Variants in NDST3 observed in about 807,000 individuals in gnomAD.
The protein encoded by NDST3 is N-deacetylase and N-sulfotransferase 3.
Under a neutral mutation model 96.1 loss-of-function variants are expected in NDST3, and 58 were observed. The observed-to-expected ratio is 0.60, with a 90% CI of 0.49 to 0.75. The LOEUF (loss-of-function observed/expected upper bound fraction) is 0.75, where lower values mean the gene tolerates loss of function less well. Among genes scored for constraint, NDST3 ranks in the 30% least tolerant of loss-of-function variants. NDST3 has a pLI of 0.00. For missense variants in NDST3, 788 were observed against 1,034.2 expected, an observed-to-expected ratio of 0.76 and a Z score of 3.27; for synonymous variants, 333 against 359.7, an observed-to-expected ratio of 0.93 and a Z score of 0.84.
Position 118,256,888 on chromosome 4 carries a change from A to G in NDST3, c.*1176A>G, listed in dbSNP as rs1283067973. Reference sequence around the variant, plus strand: ...TAATGTTTGCAATGATACTTTTGATATAAGGCAAAGAAACATAAGCAGAGC... The same window carrying G: ...TAATGTTTGCAATGATACTTTTGATGTAAGGCAAAGAAACATAAGCAGAGC... On this transcript the variant is annotated 3_prime_UTR_variant, in exon 14 of 14. Coordinates refer to ENST00000296499, the MANE Select transcript of NDST3 (RefSeq NM_004784.3). 1 of 152,224 alleles carries G rather than the reference A, an allele frequency of 6.6e-6. No individual in the cohort carries two copies. The highest frequency in any genetic ancestry group is 2.1e-4 in the South Asian group (1 of 4,838). The allele number at this position is 152,224 out of a possible 1,614,324, so 9.4% of individuals were successfully genotyped here.
rs555522002 is a variant in NDST3 at position 118,206,212 on chromosome 4, G to T, written c.1540-18279G>T. 3.3e-4 allele frequency among the ~76,000 whole-genome samples: 47 copies of T among 143,840 alleles called. 5 individuals carry two copies. The highest frequency in any genetic ancestry group is 6.0e-4 in the Non-Finnish European group (39 of 65,106). 94.4% of individuals were successfully genotyped at this position (143,840 alleles called of 152,430 possible). On this transcript the variant is annotated intron_variant, in intron 6 of 13. Coordinates refer to ENST00000296499, the MANE Select transcript of NDST3 (RefSeq NM_004784.3). ...TTTCCTTCCTGTCATCTGTGAACTG[G>T]GCAACTACATAACGAAGAAGATTTG...
intron 6 of NDST3, among the ~76,000 whole-genome samples, chr4:118,217,052 G>C (rs1739236165): frequency 6.6e-6 from 1 of 152,090 alleles, no homozygotes; most frequent in Non-Finnish European, 1.5e-5. Flanking sequence ...AAAACTAGGG[G>C]CTCTAGGGCT....
chr4:118,244,786 A>G (rs1168428620), intron 12 of NDST3, among the ~76,000 whole-genome samples: 5 of 152,204 alleles, frequency 3.3e-5, no homozygotes, highest in Admixed American at 6.5e-5. Flanking sequence ...CAAGTGCTAA[A>G]GAAAGCGTTC....
rs1001520386 is a variant in NDST3, at chr4:118,256,309, A to C, written c.*597A>C. On this transcript the variant is annotated 3_prime_UTR_variant, in exon 14 of 14. Coordinates refer to ENST00000296499, the MANE Select transcript of NDST3 (RefSeq NM_004784.3). ...ATATGAGTGTTATCTGCACCAAAAA[A>C]AAATAAGTGCTATAGCAAAAGTGAT... The C allele has an allele frequency of 6.6e-6, 1 of 152,202 alleles. No homozygotes were observed. Among genetic ancestry groups the C allele is most frequent in the African/African-American group, 2.4e-5 (1 of 41,458 alleles). 9.4% of individuals were successfully genotyped at this position (152,202 alleles called of 1,614,324 possible). A position where few individuals can be genotyped will look rare whatever the true frequency, so the allele number is the denominator to read the frequency against.
intron 12 of NDST3, among the ~76,000 whole-genome samples, chr4:118,250,045 T>C (rs1257061976): frequency 6.6e-6 from 1 of 152,230 alleles, no homozygotes; most frequent in Admixed American, 6.5e-5. Context: ...GAGTCAATTC[T>C]TTTTTATTGT....
At position 118,066,463 on chromosome 4, in the gene NDST3, TTA is replaced by T. The variant is rs367675931; in HGVS notation, c.981+11578_981+11579del. ...TCATATGTTATATATTATATATACA[TTA>T]TATATGTTATATATTATATATACAT... On this transcript the variant is annotated intron_variant, in intron 2 of 13. Transcript: ENST00000296499. Among the ~76,000 whole-genome samples the T allele has an allele frequency of 2.0e-3, 7 of 3,450 alleles. 2 individuals are homozygous for T. In the Non-Finnish European group the frequency reaches 0.027, roughly 13 times the overall value. The allele number at this position is 3,450 out of a possible 152,430, so 2.3% of individuals were successfully genotyped here.
chr4:118,194,015 T>C, intron 6 of NDST3: 3 of 1,236,360 alleles, frequency 2.4e-6, no homozygotes, highest in Non-Finnish European at 2.4e-6. Context: ...CCAAGACTCC[T>C]TGGTCTTTTC....
chr4:118,116,015 T>C (rs1006669679), intron 4 of NDST3, among the ~76,000 whole-genome samples: 3 of 149,754 alleles, frequency 2.0e-5, no homozygotes, highest in Non-Finnish European at 4.4e-5. Context: ...TGAAAATGTT[T>C]TGATGGTATA....
At chr4:118,046,031 G>C (rs1724742820) in intron 1 of NDST3, among the ~76,000 whole-genome samples, 1 of 151,920 alleles carries the variant, frequency 6.6e-6, no homozygotes, top group Non-Finnish European at 1.5e-5. Context: ...CCAAGGGTTT[G>C]AGTAAATCAA....
At chr4:118,166,460 CTT>C (rs1735556581) in intron 6 of NDST3, among the ~76,000 whole-genome samples, 1 of 151,784 alleles carries the variant, frequency 6.6e-6, no homozygotes, top group Admixed American at 6.6e-5. Context: ...TTACTGGTGA[CTT>C]ATATCAAACA....
chr4:118,194,030 C>A (rs1737496536), intron 6 of NDST3: 2 of 1,369,198 alleles, frequency 1.5e-6, no homozygotes, highest in Admixed American at 3.4e-5. Flanking sequence ...CTTTTCAAAA[C>A]TCTTGAGGTG....
At chr4:118,231,341 A>T (rs1337425242) in intron 8 of NDST3, among the ~76,000 whole-genome samples, 1 of 137,670 alleles carries the variant, frequency 7.3e-6, no homozygotes, top group Non-Finnish European at 1.6e-5. Flanking sequence ...ATCTAAAAAA[A>T]AATAAATAAA....
intron 2 of NDST3, among the ~76,000 whole-genome samples, chr4:118,071,002 G>T (rs982126370): frequency 2.6e-5 from 4 of 151,948 alleles, no homozygotes; most frequent in Non-Finnish European, 4.4e-5. Flanking sequence ...GCGATAGTTT[G>T]CTGAGAATGA....
At chr4:118,248,344 C>G (rs1055065469) in intron 12 of NDST3, among the ~76,000 whole-genome samples, 6 of 151,498 alleles carry the variant, frequency 4.0e-5, no homozygotes, top group Admixed American at 1.3e-4. Flanking sequence ...GAGCAAAACT[C>G]CATCTCAAAA....
chr4:118,211,024 G>A (rs1199618682), intron 6 of NDST3, among the ~76,000 whole-genome samples: 1 of 152,158 alleles, frequency 6.6e-6, no homozygotes, highest in African/African-American at 2.4e-5. Context: ...AGCAAGTAGA[G>A]TAAAATCACC....
intron 6 of NDST3, among the ~76,000 whole-genome samples, chr4:118,144,683 T>A (rs1010501961): frequency 3.3e-5 from 5 of 152,130 alleles, no homozygotes; most frequent in African/African-American, 1.2e-4. Flanking sequence ...TCAGAAGATG[T>A]ATGGGTTTGC....
intron 2 of NDST3, among the ~76,000 whole-genome samples, chr4:118,076,741 T>C (rs1727571511): frequency 6.6e-6 from 1 of 152,218 alleles, no homozygotes; most frequent in Non-Finnish European, 1.5e-5. Context: ...TTCTACTTTC[T>C]TTTGAATCTC....
intron 6 of NDST3, among the ~76,000 whole-genome samples, chr4:118,207,965 G>A (rs1738537804): frequency 6.9e-6 from 1 of 144,012 alleles, no homozygotes. Context: ...CTATTATGTG[G>A]AAGGGTTAAC....
At position 118,255,677 on chromosome 4, in the gene NDST3, T is replaced by C. The variant is rs1742077133; in HGVS notation, c.2587T>C (p.Ser863Pro). The C allele has an allele frequency of 1.2e-6, 2 of 1,613,706 alleles. No individual in the cohort carries two copies. The highest frequency in any genetic ancestry group is 1.7e-6 in the Non-Finnish European group (2 of 1,179,740). The change falls in exon 14 of 14, where the codon TCC becomes CCC. Residue 863 changes from serine (S) to proline (P), a missense_variant. Physicochemically the swap from Ser to Pro is moderately conservative, Grantham distance 74. Transcript: ENST00000296499. The stretch of plus-strand genomic sequence containing the variant: ...GCACAAACTGGGTCAGCCTCTGCCA[T>C]CCTGGCTGAGACAGGAGCTGCAGAA... ...LLHKLGQPLP[S>P]WLRQELQKVR
Sources: gnomAD v4.1 joint callset for allele counts (sites outside exome capture counted in the v4.1 genomes callset) on GRCh38, gnomAD v4.1.1 for gene constraint, MANE v1.5 for transcripts, NCBI Gene and HGNC (gene_info 2026-07-23, HGNC 2026-07-21) for gene names.